Variants in CDH18 observed in about 807,000 individuals in gnomAD.
The protein encoded by CDH18 is cadherin 18, also known as cadherin-18.
Under a neutral mutation model 67.9 loss-of-function variants are expected in CDH18, and 31 were observed. The observed-to-expected ratio is 0.46, with a 90% CI of 0.34 to 0.62. CDH18 has a LOEUF of 0.62. Ranked by LOEUF, CDH18 falls within the 20% of genes least tolerant of loss-of-function variation. CDH18 has a pLI of 0.01. For missense variants in CDH18, 890 were observed against 975.5 expected, an observed-to-expected ratio of 0.91 and a Z score of 1.17; for synonymous variants, 362 against 347.2, an observed-to-expected ratio of 1.04 and a Z score of -0.48.
chr5:20,082,320 G>A (rs1190134008), intron 2 of CDH18, among the ~76,000 whole-genome samples: 1 of 152,168 alleles, frequency 6.6e-6, no homozygotes, highest in Non-Finnish European at 1.5e-5. Flanking sequence ...AGTAGTATTA[G>A]CTTGGTGCAA....
At chr5:20,014,512 C>T (rs1235788363) in intron 2 of CDH18, among the ~76,000 whole-genome samples, 1 of 152,020 alleles carries the variant, frequency 6.6e-6, no homozygotes, top group Non-Finnish European at 1.5e-5. Context: ...CCAAAGCAAA[C>T]AACTGGATCT....
intron 2 of CDH18, among the ~76,000 whole-genome samples, chr5:20,110,554 T>C (rs1314706894): frequency 6.6e-6 from 1 of 152,072 alleles, no homozygotes; most frequent in Non-Finnish European, 1.5e-5. Flanking sequence ...TGTGGTGGCA[T>C]GTGCCAGTAA....
At chr5:19,927,495 C>T (rs1490608514) in intron 2 of CDH18, among the ~76,000 whole-genome samples, 1 of 152,020 alleles carries the variant, frequency 6.6e-6, no homozygotes, top group African/African-American at 2.4e-5. Flanking sequence ...ACTGTACTGA[C>T]TTTTTAAATG....
chr5:19,689,095 G>T (rs996102572), intron 5 of CDH18, among the ~76,000 whole-genome samples: 2 of 151,916 alleles, frequency 1.3e-5, no homozygotes, highest in Admixed American at 1.3e-4. Context: ...GATACAAAGG[G>T]CATAGAAAAC....
At chr5:20,492,688 T>C in intron 1 of CDH18, among the ~76,000 whole-genome samples, 1 of 152,176 alleles carries the variant, frequency 6.6e-6, no homozygotes, top group East Asian at 1.9e-4. Context: ...TTTAAGATAT[T>C]TCATGTACTT....
At chr5:20,297,353 C>T (rs1747622722) in intron 1 of CDH18, among the ~76,000 whole-genome samples, 1 of 152,228 alleles carries the variant, frequency 6.6e-6, no homozygotes, top group African/African-American at 2.4e-5. Flanking sequence ...TATCTAATGT[C>T]TTGCTGCAAG....
At chr5:19,934,303 G>A (rs765254471) in intron 2 of CDH18, among the ~76,000 whole-genome samples, 5 of 151,306 alleles carry the variant, frequency 3.3e-5, no homozygotes, top group Admixed American at 6.6e-5. Flanking sequence ...CTTCATGGAC[G>A]TCCAGTGACA....
chr5:20,312,265 A>G lies in CDH18; in HGVS notation c.-579-56760T>C, dbSNP rs140247470. Among the ~76,000 whole-genome samples, 1,141 of 152,288 alleles carry G rather than the reference A, an allele frequency of 7.5e-3. 14 individuals are homozygous for G. Among genetic ancestry groups the G allele is most frequent in the African/African-American group, 0.026 (1,078 of 41,562 alleles). ...AAAACTGTAAGGTTGTTTCTGCAGT[A>G]TAACCTAACTTACCCTGACCCTACC... On this transcript the variant is annotated intron_variant, in intron 1 of 14. Transcript: ENST00000507958.
intron 2 of CDH18, among the ~76,000 whole-genome samples, chr5:19,935,093 A>C (rs1439499099): frequency 6.6e-6 from 1 of 151,192 alleles, no homozygotes; most frequent in Non-Finnish European, 1.5e-5. Context: ...ATGTTCTTTC[A>C]TTGTTAGCTG....
intron 1 of CDH18, among the ~76,000 whole-genome samples, chr5:20,539,590 G>C (rs1050868852): frequency 2.0e-5 from 3 of 152,118 alleles, no homozygotes; most frequent in Non-Finnish European, 4.4e-5. Flanking sequence ...GAACATTTGA[G>C]AAAGAGGTAG....
rs72287076 is a variant in CDH18, at chr5:20,546,748, T to TACACACACACACACACAC, written c.-580+28713_-580+28714insGTGTGTGTGTGTGTGTGT. On this transcript the variant is annotated intron_variant, in intron 1 of 14. Transcript: ENST00000507958. ...AGTCAAACCATATCACATACATACA[T>TACACACACACACACACAC]AGACACACACACACACACACATATG... is the stretch of plus-strand genomic sequence containing the variant. 4.9e-3 allele frequency among the ~76,000 whole-genome samples: 699 copies of TACACACACACACACACAC among 141,480 alleles called. 10 individuals carry two copies. The highest frequency in any genetic ancestry group is 0.018 in the African/African-American group (654 of 37,122). The allele number at this position is 141,480 out of a possible 152,430, so 92.8% of individuals were successfully genotyped here.
chr5:20,329,880 C>T (rs1161664421), intron 1 of CDH18, among the ~76,000 whole-genome samples: 1 of 148,336 alleles, frequency 6.7e-6, no homozygotes, highest in Non-Finnish European at 1.5e-5. Context: ...ACATGTATTT[C>T]AGATAACACA....
intron 3 of CDH18, among the ~76,000 whole-genome samples, chr5:19,810,046 G>A (rs1404680305): frequency 3.3e-5 from 5 of 152,026 alleles, no homozygotes; most frequent in Non-Finnish European, 4.4e-5. Context: ...ATGTCAAAAT[G>A]AGGCCTGGTG....
At chr5:19,781,139 T>C (rs1256439442) in intron 3 of CDH18, among the ~76,000 whole-genome samples, 4 of 152,144 alleles carry the variant, frequency 2.6e-5, no homozygotes, top group Non-Finnish European at 5.9e-5. Flanking sequence ...ATATTAATTA[T>C]GGCTAAATAT....
chr5:19,480,563 G>C (rs186903045), intron 12 of CDH18, among the ~76,000 whole-genome samples: 1 of 151,584 alleles, frequency 6.6e-6, no homozygotes, highest in South Asian at 2.1e-4. Flanking sequence ...GTTTTTAGTA[G>C]AGACAGGGTT....
At chr5:19,581,527 C>T (rs944251113) in intron 7 of CDH18, among the ~76,000 whole-genome samples, 2 of 151,952 alleles carry the variant, frequency 1.3e-5, no homozygotes, top group South Asian at 2.1e-4. Flanking sequence ...GCCAAGTTGC[C>T]GTATGAGTCA....
chr5:19,566,313 T>C (rs1740389804), intron 8 of CDH18, among the ~76,000 whole-genome samples: 1 of 152,210 alleles, frequency 6.6e-6, no homozygotes, highest in South Asian at 2.1e-4. Context: ...GAGAACAGTT[T>C]GACAGTTTCT....
intron 1 of CDH18, among the ~76,000 whole-genome samples, chr5:20,445,937 T>G (rs1749963993): frequency 6.6e-6 from 1 of 152,062 alleles, no homozygotes; most frequent in Non-Finnish European, 1.5e-5. Flanking sequence ...TTTACAGAAC[T>G]CAGGGTGCTT....
chr5:19,785,006 G>T (rs1490886919), intron 3 of CDH18, among the ~76,000 whole-genome samples: 1 of 152,070 alleles, frequency 6.6e-6, no homozygotes, highest in Non-Finnish European at 1.5e-5. Flanking sequence ...CTGTCCCCCA[G>T]TCCTGGAGCC....
Sources: gnomAD v4.1 joint callset for allele counts (sites outside exome capture counted in the v4.1 genomes callset) on GRCh38, gnomAD v4.1.1 for gene constraint, MANE v1.5 for transcripts, NCBI Gene and HGNC (gene_info 2026-07-23, HGNC 2026-07-21) for gene names.